Variants in PPP1R1C observed in about 807,000 individuals in gnomAD.
The protein encoded by PPP1R1C is protein phosphatase 1 regulatory inhibitor subunit 1C.
Under a neutral mutation model 17.4 loss-of-function variants are expected in PPP1R1C, and 15 were observed. The ratio of observed to expected loss-of-function variants is 0.86; its 90% CI spans 0.58 to 1.33. PPP1R1C has a LOEUF of 1.33. PPP1R1C is among the 40% of genes most tolerant of loss of function. The pLI, the probability that PPP1R1C is intolerant of heterozygous loss-of-function variation, is 0.00. For synonymous variants in PPP1R1C, 35 were observed against 43.1 expected (o/e 0.81, Z 0.73); for missense variants, 143 against 130.0 (o/e 1.10, Z -0.48).
intron 4 of PPP1R1C, among the ~76,000 whole-genome samples, chr2:182,083,793 G>C (rs570750156): frequency 6.6e-6 from 1 of 152,204 alleles, no homozygotes; most frequent in East Asian, 1.9e-4. Flanking sequence ...CAGTGAGATT[G>C]CTAGATCAAA....
chr2:182,005,340 A>C (rs934800640), intron 2 of PPP1R1C, among the ~76,000 whole-genome samples: 3 of 152,306 alleles, frequency 2.0e-5, no homozygotes, highest in South Asian at 2.1e-4. Flanking sequence ...GGAGCATGGG[A>C]TATTATCTCC....
intron 4 of PPP1R1C, among the ~76,000 whole-genome samples, chr2:182,083,819 T>C (rs1688549634): frequency 6.6e-6 from 1 of 152,210 alleles, no homozygotes; most frequent in South Asian, 2.1e-4. Context: ...GATCTACTAT[T>C]AGTTCTTCGA....
intron 2 of PPP1R1C, among the ~76,000 whole-genome samples, chr2:182,005,288 A>C (rs1460884922): frequency 6.6e-6 from 1 of 152,242 alleles, no homozygotes; most frequent in Non-Finnish European, 1.5e-5. Flanking sequence ...ACTCATATCT[A>C]CTGATCTGCT....
intron 2 of PPP1R1C, among the ~76,000 whole-genome samples, chr2:182,000,783 A>G (rs1211859358): frequency 6.6e-6 from 1 of 152,192 alleles, no homozygotes; most frequent in Non-Finnish European, 1.5e-5. Context: ...GGATCTATTA[A>G]TACATTTGCT....
intron 2 of PPP1R1C, among the ~76,000 whole-genome samples, chr2:182,053,944 C>G (rs1361529965): frequency 6.6e-6 from 1 of 151,950 alleles, no homozygotes; most frequent in African/African-American, 2.4e-5. Flanking sequence ...TCACGCCCGG[C>G]TAATTTTATA....
In PPP1R1C at chr2:181,961,300, G is replaced by A; in HGVS notation, n.111+6666G>A. ...TTGCATGGAGTTGCTGTTGTCCAGG[G>A]CATCACCAAGATTGAAGTCATCATC... On this transcript the variant is annotated intron_variant and non_coding_transcript_variant, in intron 1 of 5. Transcript: ENST00000464264. The surrounding 1 kb of genome is among the most constrained non-coding windows in gnomAD (Gnocchi z 5.8). The A allele has an allele frequency of 4.1e-6, 3 of 734,724 alleles. No individual in the cohort carries two copies. Among genetic ancestry groups the A allele is most frequent in the South Asian group, 1.4e-5 (1 of 70,136 alleles). The allele number at this position is 734,724 out of a possible 1,614,324, so 45.5% of individuals were successfully genotyped here.
At chr2:182,037,835 A>G (rs1687059753) in intron 2 of PPP1R1C, among the ~76,000 whole-genome samples, 1 of 152,154 alleles carries the variant, frequency 6.6e-6, no homozygotes, top group African/African-American at 2.4e-5. Context: ...TAGGCTCATT[A>G]AAAGCAAATC....
Position 182,117,265 on chromosome 2 carries a change from C to A in PPP1R1C, c.300C>A (p.Thr100=), listed in dbSNP as rs1219393086. 1 of 1,563,892 alleles carries A rather than the reference C, an allele frequency of 6.4e-7. No homozygotes were observed. The highest frequency in any genetic ancestry group is 8.7e-7 in the Non-Finnish European group (1 of 1,153,684). Residue 100 remains threonine (T), a synonymous_variant, in exon 5 of 5, where the codon ACC becomes ACA. Transcript: ENST00000682840. ...CATTCCCTGAAGAAGAAGAAGGCAC[C>A]AATGAAAGAGAGGAGCAGCGGGACC... ...ESAFPEEEEG[T]NEREEQRDH
chr2:182,044,761 T>C (rs1342464172), intron 2 of PPP1R1C, among the ~76,000 whole-genome samples: 1 of 152,180 alleles, frequency 6.6e-6, no homozygotes, highest in Non-Finnish European at 1.5e-5. Context: ...AGAGTATATA[T>C]GCAATAAATT....
intron 2 of PPP1R1C, among the ~76,000 whole-genome samples, chr2:182,012,357 G>A (rs1160870705): frequency 6.6e-6 from 1 of 151,886 alleles, no homozygotes. Context: ...ATTGTATAAT[G>A]ACCCTCTTTG....
chr2:182,036,136 C>T (rs1686998587), intron 2 of PPP1R1C, among the ~76,000 whole-genome samples: 2 of 152,126 alleles, frequency 1.3e-5, no homozygotes, highest in African/African-American at 4.8e-5. Context: ...AATTTGATTT[C>T]AATTTATTTG....
intron 1 of PPP1R1C, among the ~76,000 whole-genome samples, chr2:181,971,573 G>A (rs899262048): frequency 4.6e-5 from 7 of 152,124 alleles, no homozygotes; most frequent in Admixed American, 3.9e-4. Context: ...ACCCCAGCTG[G>A]TGTCTCACTA....
At chr2:182,088,678 GC>G (rs1327848063) in intron 4 of PPP1R1C, among the ~76,000 whole-genome samples, 5 of 152,076 alleles carry the variant, frequency 3.3e-5, no homozygotes, top group African/African-American at 1.2e-4. Flanking sequence ...GATTCTTTTT[GC>G]CTTGGAAAGT....
chr2:182,041,010 G>T (rs1171117845), intron 2 of PPP1R1C, among the ~76,000 whole-genome samples: 1 of 152,060 alleles, frequency 6.6e-6, no homozygotes, highest in African/African-American at 2.4e-5. Context: ...ATTGGTCTAG[G>T]TGTCTACTTT....
intron 2 of PPP1R1C, among the ~76,000 whole-genome samples, chr2:182,024,585 T>A (rs888934339): frequency 1.3e-5 from 2 of 152,128 alleles, no homozygotes; most frequent in African/African-American, 4.8e-5. Context: ...GAAGAAGTAT[T>A]ATAGAACCTG....
intron 3 of PPP1R1C, among the ~76,000 whole-genome samples, chr2:182,062,859 G>A (rs1574421165): frequency 6.6e-6 from 1 of 152,002 alleles, no homozygotes; most frequent in East Asian, 1.9e-4. Flanking sequence ...ATTTACACTT[G>A]AGCTTTTCAA....
At chr2:182,052,766 A>G in intron 2 of PPP1R1C, among the ~76,000 whole-genome samples, 1 of 152,234 alleles carries the variant, frequency 6.6e-6, no homozygotes, top group East Asian at 1.9e-4. Flanking sequence ...TGTAAAATTA[A>G]TCGAAATCAC....
intron 2 of PPP1R1C, among the ~76,000 whole-genome samples, chr2:182,000,503 T>G (rs1685731387): frequency 6.6e-6 from 1 of 152,216 alleles, no homozygotes; most frequent in African/African-American, 2.4e-5. Flanking sequence ...CAGGCCAAGC[T>G]GGAGGATCAG....
chr2:181,983,410 A>G (rs1035265503), upstream of PPP1R1C, among the ~76,000 whole-genome samples: 2 of 152,228 alleles, frequency 1.3e-5, no homozygotes, highest in African/African-American at 4.8e-5. Flanking sequence ...TAAAGCACTT[A>G]GAATAATTCC....
Sources: gnomAD v4.1 joint callset for allele counts (sites outside exome capture counted in the v4.1 genomes callset) on GRCh38, gnomAD v4.1.1 for gene constraint, Gnocchi (gnomAD v3.1) non-coding constraint, MANE v1.5 for transcripts, NCBI Gene and HGNC (gene_info 2026-07-23, HGNC 2026-07-21) for gene names.